Variants in TRPM3 observed in about 807,000 individuals in gnomAD.
The protein encoded by TRPM3 is long transient receptor potential channel 3.
Under a neutral mutation model 181.2 loss-of-function variants are expected in TRPM3, and 77 were observed. The observed-to-expected ratio is 0.42, with a 90% CI of 0.35 to 0.51. TRPM3 has a LOEUF of 0.51. Among genes scored for constraint, TRPM3 ranks in the 20% least tolerant of loss-of-function variants. The probability of loss-of-function intolerance (pLI) is 0.01; values close to 1 mark genes in which losing one functional copy is unlikely to be tolerated. For missense variants in TRPM3, 1,759 were observed against 2,196.7 expected (o/e 0.80, Z 3.98); for synonymous variants, 745 against 796.4 (o/e 0.94, Z 1.09).
At chr9:70,946,108 A>G (rs1407407436) in intron 1 of TRPM3, among the ~76,000 whole-genome samples, 1 of 152,140 alleles carries the variant, frequency 6.6e-6, no homozygotes, top group African/African-American at 2.4e-5. Flanking sequence ...ATGTGTTATT[A>G]TGCTGATTTT....
At chr9:71,036,861 A>G (rs143258398) in intron 1 of TRPM3, among the ~76,000 whole-genome samples, 29 of 152,340 alleles carry the variant, frequency 1.9e-4, no homozygotes, top group African/African-American at 4.3e-4. Context: ...CATGTACTCA[A>G]ATATGAGTAA....
intron 1 of TRPM3, among the ~76,000 whole-genome samples, chr9:71,176,416 C>T (rs1414925708): frequency 6.6e-6 from 1 of 151,832 alleles, no homozygotes; most frequent in African/African-American, 2.4e-5. Context: ...TTGAAAAGGC[C>T]TAAGAATAAG....
At chr9:71,138,477 GA>G (rs2074903268) in intron 1 of TRPM3, among the ~76,000 whole-genome samples, 1 of 152,024 alleles carries the variant, frequency 6.6e-6, no homozygotes, top group South Asian at 2.1e-4. Context: ...TCCTCCAGGA[GA>G]TTTTTCAGTA....
At chr9:70,746,382 A>G (rs2075163663) in intron 8 of TRPM3, among the ~76,000 whole-genome samples, 1 of 152,182 alleles carries the variant, frequency 6.6e-6, no homozygotes, top group African/African-American at 2.4e-5. Context: ...CTAAATGTGG[A>G]AAGAGAGTTG....
chr9:70,775,563 A>G (rs1225931111), intron 7 of TRPM3: 2 of 152,198 alleles, frequency 1.3e-5, no homozygotes, highest in African/African-American at 2.4e-5. Flanking sequence ...GGAGTTTCAC[A>G]AAGAAGCCCC....
chr9:70,935,417 C>T (rs1049806705), intron 1 of TRPM3, among the ~76,000 whole-genome samples: 1 of 152,154 alleles, frequency 6.6e-6, no homozygotes, highest in Non-Finnish European at 1.5e-5. Context: ...AGAATGAATG[C>T]TTGGGGATAT....
chr9:71,217,051 C>T (rs947348856), intron 1 of TRPM3, among the ~76,000 whole-genome samples: 1 of 143,858 alleles, frequency 7.0e-6, no homozygotes, highest in African/African-American at 2.6e-5. Flanking sequence ...CCCGGGTTCA[C>T]GCCATTCTCC....
At chr9:70,542,886 G>A (rs138778706) in intron 25 of TRPM3, among the ~76,000 whole-genome samples, 2 of 152,268 alleles carry the variant, frequency 1.3e-5, no homozygotes, top group Admixed American at 6.5e-5. Context: ...GCAAACTCTT[G>A]CTTATCCACA....
At chr9:71,149,761 C>G (rs1275704124) in intron 1 of TRPM3, among the ~76,000 whole-genome samples, 1 of 151,986 alleles carries the variant, frequency 6.6e-6, no homozygotes, top group Admixed American at 6.6e-5. Context: ...ATCACTGGAG[C>G]CCAGGAAGTT....
intron 6 of TRPM3, chr9:70,811,312 T>C (rs557818214): frequency 2.3e-6 from 3 of 1,320,156 alleles, no homozygotes; most frequent in African/African-American, 3.0e-5. Flanking sequence ...TTAAAGCAGA[T>C]GGATTACCCA....
At chr9:71,226,702 T>A (rs1426325658) in intron 1 of TRPM3, among the ~76,000 whole-genome samples, 1 of 152,034 alleles carries the variant, frequency 6.6e-6, no homozygotes, top group Non-Finnish European at 1.5e-5. Flanking sequence ...ACATTATATA[T>A]ATGCATCCAA....
intron 1 of TRPM3, among the ~76,000 whole-genome samples, chr9:71,250,692 T>C (rs928311121): frequency 6.6e-6 from 1 of 152,106 alleles, no homozygotes; most frequent in Non-Finnish European, 1.5e-5. Context: ...GAACCTTTGA[T>C]GTGAAACATG....
At chr9:71,274,718 C>T (rs1027056303) in intron 1 of TRPM3, among the ~76,000 whole-genome samples, 8 of 152,228 alleles carry the variant, frequency 5.3e-5, no homozygotes, top group Non-Finnish European at 1.0e-4. Flanking sequence ...TGGGCATGAG[C>T]TTTCGTCTAC....
chr9:71,100,182 C>T (rs2068085336), intron 1 of TRPM3, among the ~76,000 whole-genome samples: 1 of 152,032 alleles, frequency 6.6e-6, no homozygotes, highest in Admixed American at 6.6e-5. Flanking sequence ...CATTGATTAA[C>T]AAGTAATTTA....
At chr9:71,238,589 A>C (rs913857961) in intron 1 of TRPM3, among the ~76,000 whole-genome samples, 1 of 152,222 alleles carries the variant, frequency 6.6e-6, no homozygotes, top group African/African-American at 2.4e-5. Context: ...TTTATGATGA[A>C]ATATTATCAA....
At chr9:71,211,715 A>G (rs1230012714) in intron 1 of TRPM3, among the ~76,000 whole-genome samples, 1 of 152,128 alleles carries the variant, frequency 6.6e-6, no homozygotes, top group East Asian at 1.9e-4. Flanking sequence ...TTCTCCCTAT[A>G]TGTGTGTCTA....
chr9:70,763,267 T>C (rs1180436362), intron 7 of TRPM3, among the ~76,000 whole-genome samples: 2 of 152,126 alleles, frequency 1.3e-5, no homozygotes, highest in East Asian at 3.9e-4. Flanking sequence ...CCTAGGACTT[T>C]GGGAAGCTGA....
chr9:71,167,433 T>A (rs2076593007), intron 1 of TRPM3, among the ~76,000 whole-genome samples: 1 of 152,154 alleles, frequency 6.6e-6, no homozygotes, highest in South Asian at 2.1e-4. Context: ...GAATAATGCC[T>A]GCCTCATTCA....
At chr9:70,738,410 AT>A (rs1265875491) in intron 8 of TRPM3, among the ~76,000 whole-genome samples, 2 of 152,180 alleles carry the variant, frequency 1.3e-5, no homozygotes, top group African/African-American at 4.8e-5. Context: ...ATAAAAAAAA[AT>A]CAAGATGGAA....
Sources: allele counts gnomAD v4.1 joint callset (sites outside exome capture counted in the v4.1 genomes callset), GRCh38; gene constraint gnomAD v4.1.1; transcripts MANE v1.5; gene names NCBI Gene and HGNC (gene_info 2026-07-23, HGNC 2026-07-21).